Variants in FRMD4A observed in about 807,000 individuals in gnomAD.
The protein encoded by FRMD4A is FERM domain-containing protein 4A.
In FRMD4A, 29 loss-of-function variants were observed where a neutral mutation model predicts 129.1. That is an observed-to-expected ratio of 0.22 (90% CI 0.17 to 0.31). The LOEUF (loss-of-function observed/expected upper bound fraction) is 0.31. FRMD4A is among the 10% of genes least tolerant of loss of function. FRMD4A has a pLI of 1.00. For missense variants in FRMD4A, 1,272 were observed against 1,375.8 expected, an observed-to-expected ratio of 0.92 and a Z score of 1.19; for synonymous variants, 634 against 571.6, an observed-to-expected ratio of 1.11 and a Z score of -1.56.
intron 2 of FRMD4A, among the ~76,000 whole-genome samples, chr10:14,319,440 T>C (rs1846890354): frequency 6.6e-6 from 1 of 151,596 alleles, no homozygotes; most frequent in South Asian, 2.1e-4. Context: ...TGCATGCATA[T>C]GTTCCTAGTT....
At chr10:14,009,201 C>T (rs970623856) in intron 2 of FRMD4A, among the ~76,000 whole-genome samples, 1 of 152,170 alleles carries the variant, frequency 6.6e-6, no homozygotes, top group South Asian at 2.1e-4. Context: ...GTAATATTTT[C>T]CCCTACCTTC....
chr10:14,230,209 C>A (rs1053610165), intron 2 of FRMD4A, among the ~76,000 whole-genome samples: 1 of 152,126 alleles, frequency 6.6e-6, no homozygotes, highest in African/African-American at 2.4e-5. Context: ...AAATGTGGGG[C>A]CCTCTCCCCC....
At chr10:13,700,315 GAA>G (rs2086680900) in intron 14 of FRMD4A, among the ~76,000 whole-genome samples, 1 of 151,166 alleles carries the variant, frequency 6.6e-6, no homozygotes, top group Non-Finnish European at 1.5e-5. Context: ...CTCTTCCCCA[GAA>G]AAAGAGAAAC....
intron 8 of FRMD4A, 110 bp downstream of exon 8, chr10:13,761,537 T>C (rs112047335): frequency 2.7e-6 from 2 of 750,620 alleles, no homozygotes; most frequent in Non-Finnish European, 4.6e-6. Context: ...ATCATTAACA[T>C]ATAACATGAA....
At chr10:14,125,624 G>C (rs565890406) in intron 2 of FRMD4A, among the ~76,000 whole-genome samples, 1 of 152,270 alleles carries the variant, frequency 6.6e-6, no homozygotes, top group African/African-American at 2.4e-5. Flanking sequence ...CCACAATGCT[G>C]GAGCCCAGCT....
intron 2 of FRMD4A, among the ~76,000 whole-genome samples, chr10:14,055,695 T>C (rs905351620): frequency 6.6e-6 from 1 of 152,244 alleles, no homozygotes; most frequent in African/African-American, 2.4e-5. Flanking sequence ...TTCAACTTTT[T>C]ATTTTCGTGG....
At chr10:13,918,973 A>G (rs2095040267) in intron 2 of FRMD4A, among the ~76,000 whole-genome samples, 2 of 151,980 alleles carry the variant, frequency 1.3e-5, no homozygotes, top group Non-Finnish European at 2.9e-5. Flanking sequence ...CAGCTGATTT[A>G]CAGGCATCTG....
intron 2 of FRMD4A, among the ~76,000 whole-genome samples, chr10:13,974,676 G>A (rs1280033532): frequency 3.9e-5 from 6 of 152,102 alleles, no homozygotes; most frequent in South Asian, 4.1e-4. Flanking sequence ...ACAGGCACCC[G>A]CCACCATGCC....
intron 6 of FRMD4A, among the ~76,000 whole-genome samples, chr10:13,766,656 T>G (rs1265213066): frequency 1.3e-5 from 2 of 152,186 alleles, no homozygotes; most frequent in African/African-American, 4.8e-5. Context: ...ATGTCACTTG[T>G]TCATGATACT....
At chr10:13,801,414 A>T (rs1179852902) in intron 4 of FRMD4A, among the ~76,000 whole-genome samples, 2 of 152,214 alleles carry the variant, frequency 1.3e-5, no homozygotes, top group African/African-American at 4.8e-5. Flanking sequence ...CTCCAATCCC[A>T]TGAGGGGATC....
chr10:13,931,363 C>G (rs534605579), intron 2 of FRMD4A, among the ~76,000 whole-genome samples: 2 of 152,270 alleles, frequency 1.3e-5, no homozygotes, highest in East Asian at 3.9e-4. Flanking sequence ...CTAGCAAGAG[C>G]TGCAGTTTTA....
intron 4 of FRMD4A, among the ~76,000 whole-genome samples, chr10:13,801,178 C>T (rs1307592821): frequency 2.6e-5 from 4 of 152,110 alleles, no homozygotes. Flanking sequence ...ACCTGGAAGG[C>T]AGAGGTTGCA....
chr10:13,750,112 G>GAAAGAAAGAAAGAAAGAAAGAAAGAAAT (rs2091528107), intron 8 of FRMD4A, among the ~76,000 whole-genome samples: 1 of 74,660 alleles, frequency 1.3e-5, no homozygotes, highest in African/African-American at 3.8e-5. Flanking sequence ...AAGAAATGAA[G>GAAAGAAAGAAAGAAAGAAAGAAAGAAAT]AAAGAAAGAA....
At chr10:13,958,891 G>C (rs1273069553) in intron 2 of FRMD4A, among the ~76,000 whole-genome samples, 1 of 152,188 alleles carries the variant, frequency 6.6e-6, no homozygotes, top group Non-Finnish European at 1.5e-5. Context: ...AGGCTATTCT[G>C]CTTTTTACAA....
At chr10:14,122,766 A>G (rs1327985358) in intron 2 of FRMD4A, among the ~76,000 whole-genome samples, 1 of 152,164 alleles carries the variant, frequency 6.6e-6, no homozygotes, top group African/African-American at 2.4e-5. Context: ...TGGGGATTGC[A>G]ACTGAACACA....
intron 2 of FRMD4A, among the ~76,000 whole-genome samples, chr10:13,873,432 G>A (rs569647804): frequency 6.6e-6 from 1 of 152,338 alleles, no homozygotes; most frequent in East Asian, 1.9e-4. Context: ...ACTCGCAAAG[G>A]AGACTAGATT....
intron 7 of FRMD4A, 39 bp downstream of exon 7, chr10:13,762,585 T>C (rs774507325): frequency 8.7e-7 from 1 of 1,148,306 alleles, no homozygotes; most frequent in Non-Finnish European, 1.3e-6. Context: ...CTTCTGTGTA[T>C]GGCCGTGGGA....
chr10:14,045,159 G>A lies in FRMD4A; in HGVS notation c.46-186247C>T, dbSNP rs573363751. Among the ~76,000 whole-genome samples the A allele has an allele frequency of 2.6e-5, 4 of 152,224 alleles. No individual in the cohort carries two copies. In the East Asian group the frequency reaches 7.7e-4, roughly 29 times the overall value. ...CTCGAATGATCCTCCTAAACTGCTG[G>A]GATTAGAAGAGTGAGCCACTATGCC... is the stretch of plus-strand genomic sequence containing the variant. On this transcript the variant is annotated intron_variant, in intron 2 of 24. Transcript: ENST00000357447.
In FRMD4A at chr10:14,165,490, G is replaced by A. The variant is rs11258908; in HGVS notation, c.45+164568C>T. Among the ~76,000 whole-genome samples the A allele has an allele frequency of 2.4e-3, 367 of 152,278 alleles. 10 individuals are homozygous for A. The East Asian group carries it at 0.061, about 25-fold the overall frequency. On this transcript the variant is annotated intron_variant, in intron 2 of 24. Transcript: ENST00000357447. ...AGAACTAAAAATAGAACTACTATTC[G>A]ACCCAGCAATCCCATTACTGAGCAT... is the stretch of plus-strand genomic sequence containing the variant.
Sources: allele counts gnomAD v4.1 joint callset (sites outside exome capture counted in the v4.1 genomes callset), GRCh38; gene constraint gnomAD v4.1.1; transcripts MANE v1.5; gene names NCBI Gene and HGNC (gene_info 2026-07-23, HGNC 2026-07-21).